The following FKTN variants were observed in gnomAD, a reference collection of about 807,000 sequenced individuals.
FKTN encodes the protein fukutin, also known as ribitol-5-phosphate transferase FKTN.
A neutral mutation model predicts 58.6 loss-of-function variants in FKTN; 47 were observed. That is an observed-to-expected ratio of 0.80 (90% CI 0.63 to 1.02). The LOEUF (loss-of-function observed/expected upper bound fraction) is 1.02. Among genes scored for constraint, FKTN ranks in the 50% least tolerant of loss-of-function variants. The probability of loss-of-function intolerance (pLI) is 0.00; values close to 1 mark genes in which losing one functional copy is unlikely to be tolerated. For synonymous variants in FKTN, 178 were observed against 191.9 expected (o/e 0.93, Z 0.60); for missense variants, 516 against 537.3 (o/e 0.96, Z 0.39).
Position 105,635,356 on chromosome 9 carries a change from G to A in FKTN, c.*92G>A. On this transcript the variant is annotated 3_prime_UTR_variant, in exon 11 of 11. Transcript: ENST00000357998. ...ATGTCTATTTGTCAAACATAAGTGG[G>A]AACCAAAGAAAAAATGTGACAAGTT... is the stretch of plus-strand genomic sequence containing the variant. 5.1e-6 allele frequency: 8 copies of A among 1,573,660 alleles called. No homozygotes were observed. The South Asian group carries it at 7.1e-5, about 14-fold the overall frequency.
intron 6 of FKTN, among the ~76,000 whole-genome samples, chr9:105,605,889 A>G (rs1205393121): frequency 6.6e-6 from 1 of 152,216 alleles, no homozygotes; most frequent in Non-Finnish European, 1.5e-5. Context: ...AACTAAAAGT[A>G]TACTTGGATT....
At chr9:105,580,270 T>C (rs1347506137) in intron 3 of FKTN, among the ~76,000 whole-genome samples, 1 of 152,236 alleles carries the variant, frequency 6.6e-6, no homozygotes, top group Non-Finnish European at 1.5e-5. Context: ...CTCGACGGTC[T>C]TTACATTTTG....
At chr9:105,620,713 T>C (rs1482869633) in intron 10 of FKTN, among the ~76,000 whole-genome samples, 1 of 151,814 alleles carries the variant, frequency 6.6e-6, no homozygotes, top group African/African-American at 2.4e-5. Context: ...AAAAAGAGCT[T>C]TGAGGTGTGT....
intron 10 of FKTN, among the ~76,000 whole-genome samples, chr9:105,632,854 C>G (rs1386168550): frequency 2.6e-5 from 4 of 152,156 alleles, no homozygotes; most frequent in Non-Finnish European, 1.5e-5. Flanking sequence ...ATGCTGGATC[C>G]AATCCCAGGG....
intron 1 of FKTN, among the ~76,000 whole-genome samples, chr9:105,559,836 G>C (rs2768290): frequency 0.72 from 109,222 of 152,008 alleles, 40,175 homozygotes; most frequent in African/African-American, 0.88. Flanking sequence ...AATGGATTTG[G>C]TTTCAGGGAG....
At chr9:105,565,958 C>G (rs985397188) in intron 1 of FKTN, among the ~76,000 whole-genome samples, 2 of 152,166 alleles carry the variant, frequency 1.3e-5, no homozygotes, top group African/African-American at 4.8e-5. Context: ...TCTCTCAGAC[C>G]ACAGTGCAAT....
In FKTN at chr9:105,566,874, A is replaced by G. The variant is rs530541089; in HGVS notation, c.-180-6781A>G. On this transcript the variant is annotated intron_variant, in intron 1 of 10. Coordinates refer to ENST00000357998, the MANE Select transcript of FKTN (RefSeq NM_001079802.2). Reference sequence around the variant, plus strand: ...GAATTTTAGATCAATATCCCTGATGAACATCGATGCAAAAATCCTCAATAA... The same window carrying G: ...GAATTTTAGATCAATATCCCTGATGGACATCGATGCAAAAATCCTCAATAA... Among the ~76,000 whole-genome samples the G allele has an allele frequency of 7.4e-4, 112 of 152,358 alleles. 1 individual carries two copies. Among genetic ancestry groups the G allele is most frequent in the African/African-American group, 2.7e-3 (111 of 41,576 alleles).
chr9:105,636,734 A>G lies in FKTN; in HGVS notation c.*1470A>G, dbSNP rs1326199630. 1 of 1,297,398 alleles carries G rather than the reference A, an allele frequency of 7.7e-7. No individual in the cohort carries two copies. Among genetic ancestry groups the G allele is most frequent in the Non-Finnish European group, 1.0e-6 (1 of 984,018 alleles). The allele number at this position is 1,297,398 out of a possible 1,614,324, so 80.4% of individuals were successfully genotyped here. ...TTAGGACTACTTTCTGGAGCTTGGC[A>G]GATTTTCCTCTGACACCAGAGAACA... On this transcript the variant is annotated 3_prime_UTR_variant, in exon 11 of 11. Transcript: ENST00000357998.
At chr9:105,574,788 C>A in intron 2 of FKTN, 157 bp from the exon 3 acceptor site, 1 of 392,472 alleles carries the variant, frequency 2.5e-6, no homozygotes, top group Non-Finnish European at 4.6e-6. Context: ...GTTTTTTCAT[C>A]ATTGGTCTCA....
rs1187961490 is a variant in FKTN at position 105,618,242 on chromosome 9, C to T, written c.1044+150C>T. 8 of 751,094 alleles carry T rather than the reference C, an allele frequency of 1.1e-5. No individual in the cohort carries two copies. The East Asian group carries it at 2.2e-4, about 21-fold the overall frequency. The allele number at this position is 751,094 out of a possible 1,614,324, so 46.5% of individuals were successfully genotyped here. A position where few individuals can be genotyped will look rare whatever the true frequency, so the allele number is the denominator to read the frequency against. On this transcript the variant is annotated intron_variant, in intron 9 of 10. Transcript: ENST00000357998. The stretch of plus-strand genomic sequence containing the variant: ...TGAGTTCAGCAGAAGCCTGTTACCA[C>T]TTGTAATTTCTGCACTGTCTAGGCA...
At chr9:105,618,153 T>C in intron 9 of FKTN, 61 bp downstream of exon 9, 1 of 1,349,822 alleles carries the variant, frequency 7.4e-7, no homozygotes. Flanking sequence ...AAGTTTACAT[T>C]AAGCAACTCA....
chr9:105,599,098 C>T (rs943275102), intron 4 of FKTN, among the ~76,000 whole-genome samples: 6 of 152,118 alleles, frequency 3.9e-5, no homozygotes, highest in African/African-American at 1.4e-4. Context: ...ATATGAAGAA[C>T]TCCCACACGA....
In FKTN at chr9:105,636,054, C is replaced by T. The variant is rs1834012058; in HGVS notation, c.*790C>T. ...ATTCAAGTGAGACCATGTTACTAGA[C>T]ATGATCTTGAAAGAGGCCATGATTT... On this transcript the variant is annotated 3_prime_UTR_variant, in exon 11 of 11. Coordinates refer to ENST00000357998, the MANE Select transcript of FKTN (RefSeq NM_001079802.2). The T allele has an allele frequency of 2.0e-6, 2 of 985,294 alleles. No individual in the cohort carries two copies. The allele number at this position is 985,294 out of a possible 1,614,324, so 61.0% of individuals were successfully genotyped here.
At chr9:105,581,522 G>A (rs1233489028) in intron 3 of FKTN, among the ~76,000 whole-genome samples, 34 of 151,328 alleles carry the variant, frequency 2.2e-4, no homozygotes, top group African/African-American at 7.6e-4. Flanking sequence ...CAGTCTGCCG[G>A]TTCTCAGATC....
At chr9:105,600,676 G>A (rs1269003322) in intron 4 of FKTN, among the ~76,000 whole-genome samples, 2 of 152,110 alleles carry the variant, frequency 1.3e-5, no homozygotes, top group East Asian at 3.8e-4. Context: ...AAGAAAAATG[G>A]TACAAACAAC....
At chr9:105,575,256 C>A in intron 3 of FKTN, 119 bp downstream of exon 3, 2 of 700,360 alleles carry the variant, frequency 2.9e-6, no homozygotes, top group South Asian at 3.2e-5. Flanking sequence ...TGCATCTTTG[C>A]GAGGTGTGGC....
chr9:105,584,234 C>G (rs1444572251), intron 3 of FKTN, among the ~76,000 whole-genome samples: 1 of 151,910 alleles, frequency 6.6e-6, no homozygotes, highest in Non-Finnish European at 1.5e-5. Context: ...CAGAAAGAAA[C>G]CAGTAAAAAT....
At chr9:105,606,365 A>G (rs575044571) in intron 6 of FKTN, among the ~76,000 whole-genome samples, 3 of 152,164 alleles carry the variant, frequency 2.0e-5, no homozygotes, top group African/African-American at 7.2e-5. Flanking sequence ...AGAAACAGTT[A>G]TTTGAAGGAA....
chr9:105,638,780 T>C lies in FKTN; in HGVS notation c.*3516T>C, dbSNP rs1041010308. Reference sequence around the variant, plus strand: ...AATTATTTATATTGATACTCTCTGATAAATGCAGGTAGTTAAGAATAGATT... The same window carrying C: ...AATTATTTATATTGATACTCTCTGACAAATGCAGGTAGTTAAGAATAGATT... On this transcript the variant is annotated 3_prime_UTR_variant, in exon 11 of 11. Coordinates refer to ENST00000357998, the MANE Select transcript of FKTN (RefSeq NM_001079802.2). 5.5e-5 allele frequency: 54 copies of C among 980,176 alleles called. No homozygotes were observed. In the African/African-American group the frequency reaches 8.7e-4, roughly 16 times the overall value. 60.7% of individuals were successfully genotyped at this position (980,176 alleles called of 1,614,324 possible). A position where few individuals can be genotyped will look rare whatever the true frequency, so the allele number is the denominator to read the frequency against.
Sources: allele counts gnomAD v4.1 joint callset (sites outside exome capture counted in the v4.1 genomes callset), GRCh38; gene constraint gnomAD v4.1.1; transcripts MANE v1.5; gene names NCBI Gene and HGNC (gene_info 2026-07-23, HGNC 2026-07-21).